The following NBPF20 variants were observed in gnomAD, a reference collection of about 807,000 sequenced individuals.
NBPF20 encodes NBPF family member NBPF20.
Under a neutral mutation model 68.1 loss-of-function variants are expected in NBPF20, and 90 were observed. The observed-to-expected ratio is 1.32, with a 90% CI of 1.11 to 1.58. The LOEUF (loss-of-function observed/expected upper bound fraction) is 1.58. NBPF20 is among the 40% of genes most tolerant of loss of function. The probability of loss-of-function intolerance (pLI) is 0.00; values close to 1 mark genes in which losing one functional copy is unlikely to be tolerated. For synonymous variants in NBPF20, 290 were observed against 228.1 expected, an observed-to-expected ratio of 1.27 and a Z score of -2.45; for missense variants, 816 against 601.2, an observed-to-expected ratio of 1.36 and a Z score of -3.74.
At position 145,403,205 on chromosome 1, in the gene NBPF20, G is replaced by A; in HGVS notation, c.278+11C>T. On this transcript the variant is annotated intron_variant, in intron 3 of 137. Transcript: ENST00000369373. ...CCTGCCCCCCTGCCTGCCACCATGG[G>A]GTCCCCTCACCTGAGCTCCTCAGCT... 1 of 1,612,094 alleles carries A rather than the reference G, an allele frequency of 6.2e-7. No homozygotes were observed. The highest frequency in any genetic ancestry group is 8.5e-7 in the Non-Finnish European group (1 of 1,179,952).
upstream of NBPF20, among the ~76,000 whole-genome samples, chr1:145,409,213 T>C (rs1662915313): frequency 6.6e-6 from 1 of 151,910 alleles, no homozygotes; most frequent in Non-Finnish European, 1.5e-5. Context: ...AAAATCCATC[T>C]GTAATGTCTC....
intron 7 of NBPF20, among the ~76,000 whole-genome samples, chr1:145,398,156 A>T (rs1297868887): frequency 3.4e-4 from 52 of 151,980 alleles, no homozygotes; most frequent in Admixed American, 1.7e-3. Context: ...CCCACTGTCA[A>T]TATTAGACAG....
chr1:145,398,658 A>T (rs1662372107), intron 7 of NBPF20, among the ~76,000 whole-genome samples: 1 of 151,992 alleles, frequency 6.6e-6, no homozygotes, highest in African/African-American at 2.4e-5. Context: ...TAACATCACA[A>T]TTAAAATAAC....
At chr1:145,395,030 G>A (rs1662155336) in exon 8 of NBPF20, 16 of 1,611,490 alleles carry the variant, frequency 9.9e-6, no homozygotes, top group Middle Eastern at 2.2e-4. Flanking sequence ...AGTGAAATGT[G>A]CTGCTGTAAG....
In NBPF20 at chr1:145,291,610, G is replaced by T. The variant is rs782393877; in HGVS notation, c.16857C>A (p.Ala5619=). Residue 5619 remains alanine (A), a synonymous_variant, in exon 138 of 138, where the codon GCC becomes GCA. Coordinates refer to ENST00000369373, the Ensembl canonical transcript of NBPF20. ...TAAAAAACCTATTGTCCACGTAAAGGGCGAAGCTGATGTGCTGTTCCTCAA... is the reference window on the plus strand; with the variant it reads ...TAAAAAACCTATTGTCCACGTAAAGTGCGAAGCTGATGTGCTGTTCCTCAA... 3.7e-6 allele frequency: 6 copies of T among 1,611,822 alleles called. 1 individual carries two copies. The highest frequency in any genetic ancestry group is 8.5e-7 in the Non-Finnish European group (1 of 1,179,870).
chr1:145,400,581 C>T, exon 6 of NBPF20: 2 of 1,611,956 alleles, frequency 1.2e-6, no homozygotes, highest in Non-Finnish European at 8.5e-7. Context: ...TTTTCTTCAG[C>T]CTTCTGCATC....
chr1:145,400,038 T>A (rs1662440923), intron 6 of NBPF20, among the ~76,000 whole-genome samples: 1 of 152,168 alleles, frequency 6.6e-6, no homozygotes, highest in Non-Finnish European at 1.5e-5. Context: ...CCAGCTTCCT[T>A]AAACAGGCAT....
At chr1:145,419,785 T>C in the NBPF20 span, among the ~76,000 whole-genome samples, 2 of 152,040 alleles carry the variant, frequency 1.3e-5, no homozygotes, top group Non-Finnish European at 2.9e-5. Context: ...CATTATGGGG[T>C]CTCTAGCCCA....
chr1:145,398,424 C>A (rs1379120367), intron 7 of NBPF20, among the ~76,000 whole-genome samples: 4 of 152,002 alleles, frequency 2.6e-5, no homozygotes, highest in Non-Finnish European at 4.4e-5. Context: ...TTAAGAAACT[C>A]ACTCAAAACC....
intron 13 of NBPF20, among the ~76,000 whole-genome samples, chr1:145,390,371 C>CACAG (rs1661948389): frequency 1.7e-5 from 1 of 59,816 alleles, no homozygotes; most frequent in East Asian, 5.7e-4. Flanking sequence ...CACACACACA[C>CACAG]AGAGAGAGAA....
At chr1:145,291,941 T>G (rs1360813499) in intron 137 of NBPF20, among the ~76,000 whole-genome samples, 172 bp from the exon 143 acceptor site, 1 of 150,230 alleles carries the variant, frequency 6.7e-6, no homozygotes, top group South Asian at 2.1e-4. Context: ...CAGGGCCAGG[T>G]AGAAAACAAT....
the NBPF20 span, among the ~76,000 whole-genome samples, chr1:145,411,013 A>ATT: frequency 1.4e-5 from 2 of 140,698 alleles, no homozygotes; most frequent in African/African-American, 2.6e-5. Context: ...TATATATTCC[A>ATT]TTTTTTTTTC....
In NBPF20 at chr1:145,291,748, T is replaced by A. The variant is rs782698543; in HGVS notation, c.16719A>T (p.Glu5573Asp). 1.3e-5 allele frequency: 21 copies of A among 1,611,754 alleles called. No homozygotes were observed. The East Asian group carries it at 1.6e-4, about 12-fold the overall frequency. Residue 5573 changes from glutamate (E) to aspartate (D), a missense_variant, in exon 138 of 138, where the codon GAA becomes GAT. Transcript: ENST00000369373. ...CCTGTAAGACTTCAGGCTCTTCCAC[T>A]TCCATCAGCACGCCGTTGAGCCTGG... is the stretch of plus-strand genomic sequence containing the variant.
chr1:145,400,772 C>T (rs1662486564), intron 5 of NBPF20, among the ~76,000 whole-genome samples, 178 bp from the exon 11 acceptor site: 1 of 152,124 alleles, frequency 6.6e-6, no homozygotes, highest in African/African-American at 2.4e-5. Flanking sequence ...GCATGGCTGC[C>T]ATGGGAACCA....
upstream of NBPF20, among the ~76,000 whole-genome samples, chr1:145,406,129 GT>G (rs1662772831): frequency 6.8e-6 from 1 of 146,970 alleles, no homozygotes; most frequent in Non-Finnish European, 1.5e-5. Context: ...TAGAGACGGG[GT>G]TTCACTGTGT....
exon 138 of NBPF20, chr1:145,290,107 G>A (rs587772124): frequency 6.7e-6 from 1 of 149,192 alleles, no homozygotes; most frequent in South Asian, 2.1e-4. Flanking sequence ...GCAGACACTA[G>A]TAAAAACAAA....
At chr1:145,291,881 T>G (rs368877511) in intron 137 of NBPF20, 112 bp from the exon 143 acceptor site, 2 of 1,589,200 alleles carry the variant, frequency 1.3e-6, no homozygotes, top group Admixed American at 3.7e-5. Flanking sequence ...AAAGGATAGA[T>G]CCATTAATGA....
chr1:145,291,780 A>G lies in NBPF20; in HGVS notation c.16698-11T>C. ...AGCACGCCGTTGAGCCTGGAAAAGG[A>G]GACAAAACTAAAGAAGCAGCCAGGG... On this transcript the variant is annotated splice_polypyrimidine_tract_variant and intron_variant, in intron 137 of 137. Coordinates refer to ENST00000369373, the Ensembl canonical transcript of NBPF20. 1 of 1,612,026 alleles carries G rather than the reference A, an allele frequency of 6.2e-7. No homozygotes were observed. Among genetic ancestry groups the G allele is most frequent in the Non-Finnish European group, 8.5e-7 (1 of 1,179,862 alleles).
At chr1:145,409,411 G>A (rs1219821589), upstream of NBPF20, among the ~76,000 whole-genome samples, 1 of 150,100 alleles carries the variant, frequency 6.7e-6, no homozygotes, top group East Asian at 1.9e-4. Flanking sequence ...CGACTGAGTG[G>A]TTCAATTAAA....
Sources: gnomAD v4.1 joint callset for allele counts (sites outside exome capture counted in the v4.1 genomes callset) on GRCh38, gnomAD v4.1.1 for gene constraint, MANE v1.5 for transcripts, NCBI Gene and HGNC (gene_info 2026-07-23, HGNC 2026-07-21) for gene names.